Variants in TSGA10 observed in about 807,000 individuals in gnomAD.
TSGA10 encodes testis-specific gene 10 protein.
In TSGA10, 43 loss-of-function variants were observed where a neutral mutation model predicts 96.6. The ratio of observed to expected loss-of-function variants is 0.44; its 90% CI spans 0.35 to 0.57. The LOEUF (loss-of-function observed/expected upper bound fraction) is 0.57. Among genes scored for constraint, TSGA10 ranks in the 20% least tolerant of loss-of-function variants. The probability of loss-of-function intolerance (pLI) is 0.01; values close to 1 mark genes in which losing one functional copy is unlikely to be tolerated. For missense variants in TSGA10, 703 were observed against 834.4 expected (o/e 0.84, Z 1.94); for synonymous variants, 229 against 269.9 (o/e 0.85, Z 1.48).
chr2:99,112,425 C>A (rs2091896104), intron 4 of TSGA10, among the ~76,000 whole-genome samples: 1 of 151,732 alleles, frequency 6.6e-6, no homozygotes, highest in Non-Finnish European at 1.5e-5. Flanking sequence ...CTAGAATAGA[C>A]AATAATAAAC....
intron 1 of TSGA10, among the ~76,000 whole-genome samples, chr2:99,152,191 A>T (rs1490450222): frequency 6.6e-6 from 1 of 152,230 alleles, no homozygotes; most frequent in Non-Finnish European, 1.5e-5. Context: ...TAGGAAAGAC[A>T]GGAGATTATA....
intron 1 of TSGA10, among the ~76,000 whole-genome samples, chr2:99,137,154 T>C (rs903417423): frequency 2.0e-5 from 3 of 152,010 alleles, no homozygotes; most frequent in Admixed American, 6.6e-5. Flanking sequence ...CCTGCCACCA[T>C]GCCCAGCTAA....
At chr2:99,011,824 A>G (rs1426501138) in intron 20 of TSGA10, among the ~76,000 whole-genome samples, 1 of 152,196 alleles carries the variant, frequency 6.6e-6, no homozygotes, top group Non-Finnish European at 1.5e-5. Context: ...TCCAAACACA[A>G]GAAGCTCAAA....
intron 1 of TSGA10, among the ~76,000 whole-genome samples, chr2:99,145,386 T>C (rs755613575): frequency 2.0e-5 from 3 of 151,912 alleles, no homozygotes; most frequent in Non-Finnish European, 4.4e-5. Context: ...GGCAAAACCC[T>C]GTCTCTCCCC....
At chr2:99,059,145 G>A (rs914046005) in intron 16 of TSGA10, among the ~76,000 whole-genome samples, 2 of 148,544 alleles carry the variant, frequency 1.3e-5, no homozygotes, top group Admixed American at 6.7e-5. Flanking sequence ...CTTGCACCAC[G>A]AGTGCAGCCT....
chr2:99,146,176 G>A (rs552895970), intron 1 of TSGA10, among the ~76,000 whole-genome samples: 7 of 152,142 alleles, frequency 4.6e-5, no homozygotes, highest in African/African-American at 1.4e-4. Context: ...CCAGCTACTC[G>A]GGAGGCCTCA....
chr2:99,032,090 A>C (rs1480949918), intron 17 of TSGA10, among the ~76,000 whole-genome samples: 1 of 152,110 alleles, frequency 6.6e-6, no homozygotes, highest in Admixed American at 6.6e-5. Flanking sequence ...GATGTGCTTC[A>C]ATTGTACAGT....
intron 20 of TSGA10, among the ~76,000 whole-genome samples, chr2:99,003,093 G>A (rs1383216082): frequency 3.3e-5 from 5 of 151,994 alleles, no homozygotes; most frequent in East Asian, 1.9e-4. Flanking sequence ...TCCTGACCTC[G>A]TGATCCACCT....
intron 1 of TSGA10, among the ~76,000 whole-genome samples, chr2:99,128,923 A>C (rs1414488666): frequency 6.6e-6 from 1 of 151,968 alleles, no homozygotes; most frequent in Non-Finnish European, 1.5e-5. Flanking sequence ...AATTGTTTTA[A>C]ATTTTGTAGA....
intron 12 of TSGA10, among the ~76,000 whole-genome samples, chr2:99,074,000 C>CTTTTTTTTTTTTT (rs1167854716): frequency 0.012 from 630 of 52,628 alleles, 168 homozygotes; most frequent in African/African-American, 0.018. Flanking sequence ...TGTTTCTTTT[C>CTTTTTTTTTTTTT]TTTTTTTTTT....
At chr2:99,004,749 T>C (rs562850384) in intron 20 of TSGA10, among the ~76,000 whole-genome samples, 1 of 152,218 alleles carries the variant, frequency 6.6e-6, no homozygotes, top group Admixed American at 6.5e-5. Context: ...CTGAAACTAT[T>C]CCAATCAATA....
chr2:99,035,289 C>A lies in TSGA10; in HGVS notation c.1555G>T (p.Asp519Tyr). ...CGATTAAGAAGTTCTTTGCTTGAGT[C>A]AAGTTTAATACAGAGTTCCCTAGTA... ...SSTRELCIKL[D>Y]SSKELLNRQL... The change falls in exon 17 of 21, where the codon GAC (aspartate) becomes TAC (tyrosine). Residue 519 changes from aspartate (D) to tyrosine (Y), a missense_variant. Asp to Tyr is a radical substitution (Grantham distance 160). Coordinates refer to ENST00000393483, the MANE Select transcript of TSGA10 (RefSeq NM_025244.4). 1.2e-6 allele frequency: 2 copies of A among 1,612,290 alleles called. No individual in the cohort carries two copies. Among genetic ancestry groups the A allele is most frequent in the South Asian group, 1.1e-5 (1 of 90,746 alleles).
At chr2:99,100,715 G>A (rs753183105) in intron 10 of TSGA10, among the ~76,000 whole-genome samples, 3 of 149,904 alleles carry the variant, frequency 2.0e-5, no homozygotes, top group Non-Finnish European at 3.0e-5. Context: ...AGCTGCTCAG[G>A]AGGCTGAGGC....
chr2:99,149,207 AG>A (rs1321067834), intron 1 of TSGA10, among the ~76,000 whole-genome samples: 2 of 151,410 alleles, frequency 1.3e-5, no homozygotes, highest in Admixed American at 1.3e-4. Context: ...TTTCGATCGA[AG>A]CTGTGGAATC....
intron 16 of TSGA10, among the ~76,000 whole-genome samples, chr2:99,050,632 A>G (rs2083301820): frequency 6.6e-6 from 1 of 152,176 alleles, no homozygotes; most frequent in South Asian, 2.1e-4. Context: ...AGTTAGATGC[A>G]TGTAGCAAAC....
At position 99,064,930 on chromosome 2, in the gene TSGA10, C is replaced by T; in HGVS notation, c.1404+9G>A. The T allele has an allele frequency of 6.4e-7, 1 of 1,560,068 alleles. No individual in the cohort carries two copies. The highest frequency in any genetic ancestry group is 1.4e-5 in the African/African-American group (1 of 72,416). On this transcript the variant is annotated intron_variant, in intron 16 of 20. Coordinates refer to ENST00000393483, the MANE Select transcript of TSGA10 (RefSeq NM_025244.4). Reference sequence around the variant, plus strand: ...AGGATGTATTATAAGCATATTTTTCCAAACTTACTTGCTCAACCTCTCTGT... The same window carrying T: ...AGGATGTATTATAAGCATATTTTTCTAAACTTACTTGCTCAACCTCTCTGT...
chr2:99,095,112 C>A (rs1030749525), intron 10 of TSGA10, among the ~76,000 whole-genome samples: 1 of 152,128 alleles, frequency 6.6e-6, no homozygotes, highest in African/African-American at 2.4e-5. Context: ...CTGGATGGAA[C>A]TGGAGACCAT....
At position 99,027,292 on chromosome 2, in the gene TSGA10, G is replaced by A. The variant is rs533865233; in HGVS notation, c.1615-6810C>T. Among the ~76,000 whole-genome samples the A allele has an allele frequency of 4.6e-5, 7 of 152,280 alleles. No homozygotes were observed. The South Asian group carries it at 1.4e-3, about 32-fold the overall frequency. ...GAGGACATCATGCTAAATGAAATAA[G>A]CCAGGCAAAGAAAGACAAATACTGT... On this transcript the variant is annotated intron_variant, in intron 17 of 20. Coordinates refer to ENST00000393483, the MANE Select transcript of TSGA10 (RefSeq NM_025244.4).
intron 5 of TSGA10, among the ~76,000 whole-genome samples, chr2:99,109,755 T>C (rs1318777647): frequency 6.6e-6 from 1 of 152,226 alleles, no homozygotes; most frequent in Non-Finnish European, 1.5e-5. Context: ...GGGTATGCTA[T>C]ATTTTAACTG....
Sources: allele counts gnomAD v4.1 joint callset (sites outside exome capture counted in the v4.1 genomes callset), GRCh38; gene constraint gnomAD v4.1.1; transcripts MANE v1.5; gene names NCBI Gene and HGNC (gene_info 2026-07-23, HGNC 2026-07-21).